Variants in NKAIN3 observed in about 807,000 individuals in gnomAD.
The protein encoded by NKAIN3 is sodium/potassium transporting ATPase interacting 3.
NKAIN3 carries 25 observed loss-of-function variants against 30.2 expected under a neutral mutation model. The ratio of observed to expected loss-of-function variants is 0.83; its 90% CI spans 0.60 to 1.16. NKAIN3 has a LOEUF of 1.16. NKAIN3 is among the 50% of genes most tolerant of loss of function. The pLI is 0.00. For missense variants in NKAIN3, 225 were observed against 254.1 expected, an observed-to-expected ratio of 0.89 and a Z score of 0.78; for synonymous variants, 91 against 89.6, an observed-to-expected ratio of 1.02 and a Z score of -0.09.
At chr8:62,748,184 C>T (rs1038202324) in intron 4 of NKAIN3, among the ~76,000 whole-genome samples, 1 of 152,154 alleles carries the variant, frequency 6.6e-6, no homozygotes, top group African/African-American at 2.4e-5. Flanking sequence ...TAGATAAGGT[C>T]ACCCATATAA....
intron 3 of NKAIN3, among the ~76,000 whole-genome samples, chr8:62,679,928 C>T (rs1240445150): frequency 6.6e-6 from 1 of 152,076 alleles, no homozygotes; most frequent in Non-Finnish European, 1.5e-5. Flanking sequence ...GTTCAGGGAC[C>T]TTAAATAATA....
At chr8:62,604,281 G>A (rs185820295) in intron 3 of NKAIN3, among the ~76,000 whole-genome samples, 1 of 152,154 alleles carries the variant, frequency 6.6e-6, no homozygotes, top group African/African-American at 2.4e-5. Context: ...ACAAGAATGA[G>A]CTAGAATCGC....
chr8:62,568,607 A>G (rs748852240), intron 1 of NKAIN3, among the ~76,000 whole-genome samples: 1 of 152,172 alleles, frequency 6.6e-6, no homozygotes, highest in African/African-American at 2.4e-5. Context: ...TCTATTTGCA[A>G]TGTAATATTC....
intron 5 of NKAIN3, among the ~76,000 whole-genome samples, chr8:62,936,266 T>A (rs1338397730): frequency 2.6e-5 from 4 of 151,924 alleles, no homozygotes; most frequent in Non-Finnish European, 5.9e-5. Flanking sequence ...GGAGTGGGAG[T>A]AGACATCCGC....
chr8:62,377,573 C>T (rs1356728297), intron 1 of NKAIN3, among the ~76,000 whole-genome samples: 1 of 152,104 alleles, frequency 6.6e-6, no homozygotes, highest in Non-Finnish European at 1.5e-5. Flanking sequence ...TGTCCCCAAC[C>T]AAATTTCATC....
At chr8:62,880,986 C>A (rs1002766219) in intron 4 of NKAIN3, among the ~76,000 whole-genome samples, 4 of 151,968 alleles carry the variant, frequency 2.6e-5, no homozygotes, top group Non-Finnish European at 5.9e-5. Flanking sequence ...TATGGAAACT[C>A]TCTGTACTTT....
chr8:62,479,750 AG>A (rs1806652852), intron 1 of NKAIN3, among the ~76,000 whole-genome samples: 1 of 152,166 alleles, frequency 6.6e-6, no homozygotes, highest in Admixed American at 6.5e-5. Flanking sequence ...AGAAGAGATG[AG>A]GAATGTCCCA....
intron 4 of NKAIN3, among the ~76,000 whole-genome samples, chr8:62,754,509 G>T (rs1050881153): frequency 7.9e-5 from 12 of 152,092 alleles, no homozygotes; most frequent in African/African-American, 1.4e-4. Flanking sequence ...CACATATATT[G>T]TCTTGAATCC....
chr8:62,965,686 A>C lies in NKAIN3; in HGVS notation c.*279A>C. ...TTTTTAACAATATTTAATGTGAGGC[A>C]TGCAAAATGAAAAAGCAAATCTGTG... On this transcript the variant is annotated 3_prime_UTR_variant, in exon 7 of 7. Coordinates refer to ENST00000623646, the MANE Select transcript of NKAIN3 (RefSeq NM_001304533.3). 2.0e-6 allele frequency: 2 copies of C among 981,346 alleles called. No individual in the cohort carries two copies. Among genetic ancestry groups the C allele is most frequent in the Non-Finnish European group, 2.4e-6 (2 of 826,344 alleles). 60.8% of individuals were successfully genotyped at this position (981,346 alleles called of 1,614,324 possible). A position where few individuals can be genotyped will look rare whatever the true frequency, so the allele number is the denominator to read the frequency against.
At chr8:62,759,788 G>C (rs1816585322) in intron 4 of NKAIN3, among the ~76,000 whole-genome samples, 1 of 152,056 alleles carries the variant, frequency 6.6e-6, no homozygotes, top group African/African-American at 2.4e-5. Flanking sequence ...AAACTAAAGA[G>C]GTTCTGCACA....
chr8:62,924,975 C>A (rs1385525486), intron 5 of NKAIN3, among the ~76,000 whole-genome samples: 1 of 151,964 alleles, frequency 6.6e-6, no homozygotes, highest in Admixed American at 6.6e-5. Flanking sequence ...CACCATCACG[C>A]TGGGGATTAG....
At chr8:62,389,283 C>T (rs1817518080) in intron 1 of NKAIN3, among the ~76,000 whole-genome samples, 1 of 152,122 alleles carries the variant, frequency 6.6e-6, no homozygotes, top group Non-Finnish European at 1.5e-5. Context: ...ATGATCAAAT[C>T]AGGTTAATTA....
chr8:62,934,469 G>A (rs1403782310), intron 5 of NKAIN3, among the ~76,000 whole-genome samples: 10 of 152,032 alleles, frequency 6.6e-5, no homozygotes, highest in Non-Finnish European at 1.5e-4. Context: ...TATCTGTTAG[G>A]GGAGGGCTGG....
chr8:62,540,622 G>A (rs1298729288), intron 1 of NKAIN3, among the ~76,000 whole-genome samples: 1 of 151,844 alleles, frequency 6.6e-6, no homozygotes, highest in African/African-American at 2.4e-5. Flanking sequence ...GAACCCTCTG[G>A]CTTAAAATAG....
intron 4 of NKAIN3, among the ~76,000 whole-genome samples, chr8:62,803,863 C>CAT (rs1818168208): frequency 6.6e-6 from 1 of 151,984 alleles, no homozygotes; most frequent in Non-Finnish European, 1.5e-5. Flanking sequence ...TGATAGACTG[C>CAT]TAGCAAGACT....
chr8:62,763,985 C>T (rs1816754360), intron 4 of NKAIN3, among the ~76,000 whole-genome samples: 1 of 152,120 alleles, frequency 6.6e-6, no homozygotes, highest in Non-Finnish European at 1.5e-5. Flanking sequence ...TGACATCTCT[C>T]TGGTTGGGGA....
At chr8:62,953,865 T>A in intron 5 of NKAIN3, 37 bp from the exon 6 acceptor site, 2 of 665,328 alleles carry the variant, frequency 3.0e-6, no homozygotes, top group Non-Finnish European at 3.7e-6. Flanking sequence ...GTGTATTTTT[T>A]ACACACTTAT....
intron 3 of NKAIN3, among the ~76,000 whole-genome samples, chr8:62,692,708 T>C (rs1814018815): frequency 6.6e-6 from 1 of 152,226 alleles, no homozygotes; most frequent in Non-Finnish European, 1.5e-5. Context: ...GTTCTCTGTC[T>C]CCATCCTCTG....
At chr8:62,482,139 C>A (rs7835901) in intron 1 of NKAIN3, 86,992 of 152,142 alleles carry the variant, frequency 0.57, 25,122 homozygotes, top group African/African-American at 0.64. Flanking sequence ...TGTTGGTTAT[C>A]GTTTTCTAGC....
Sources: allele counts gnomAD v4.1 joint callset (sites outside exome capture counted in the v4.1 genomes callset), GRCh38; gene constraint gnomAD v4.1.1; transcripts MANE v1.5; gene names NCBI Gene and HGNC (gene_info 2026-07-23, HGNC 2026-07-21).